RAB43: variants seen among roughly 807,000 people sequenced by gnomAD.
The protein encoded by RAB43 is ras-related protein Rab-43.
Under a neutral mutation model 18.8 loss-of-function variants are expected in RAB43, and 6 were observed. The ratio of observed to expected loss-of-function variants is 0.32; its 90% CI spans 0.17 to 0.63. RAB43 has a LOEUF of 0.63. Ranked by LOEUF, RAB43 falls within the 30% of genes least tolerant of loss-of-function variation. The pLI, the probability that RAB43 is intolerant of heterozygous loss-of-function variation, is 0.79. For synonymous variants in RAB43, 103 were observed against 124.1 expected (o/e 0.83, Z 1.13); for missense variants, 195 against 289.1 (o/e 0.67, Z 2.36).
rs1933428363 is a variant in RAB43, at chr3:129,087,608, G to GTA, written c.*3486_*3487dup. ...AATCTGTTTAATGGTTTAGGAATGT[G>GTA]TACACTCTGGCTCTGCCAAGTTTCC... is the stretch of plus-strand genomic sequence containing the variant. On this transcript the variant is annotated 3_prime_UTR_variant, in exon 3 of 3. Transcript: ENST00000315150. The GTA allele has an allele frequency of 6.6e-6, 1 of 152,112 alleles. No homozygotes were observed. The highest frequency in any genetic ancestry group is 1.5e-5 in the Non-Finnish European group (1 of 68,002). 9.4% of individuals were successfully genotyped at this position (152,112 alleles called of 1,614,324 possible).
intron 1 of RAB43, among the ~76,000 whole-genome samples, chr3:129,109,048 T>C (rs1421383008): frequency 6.7e-6 from 1 of 148,194 alleles, no homozygotes; most frequent in Non-Finnish European, 1.5e-5. Context: ...GAGAAAAAAC[T>C]ACAAGGTGAC....
intron 1 of RAB43, among the ~76,000 whole-genome samples, chr3:129,098,498 CT>C (rs1934200485): frequency 6.6e-6 from 1 of 152,160 alleles, no homozygotes; most frequent in Admixed American, 6.6e-5. Context: ...TTTCCATATA[CT>C]ATTGAAAATT....
chr3:129,103,463 A>C (rs1458699115), intron 1 of RAB43, among the ~76,000 whole-genome samples: 3 of 152,210 alleles, frequency 2.0e-5, no homozygotes, highest in African/African-American at 7.2e-5. Flanking sequence ...CCATTCCTGG[A>C]GTACTCCAAG....
At chr3:129,093,766 T>G (rs1933833167) in intron 2 of RAB43, among the ~76,000 whole-genome samples, 1 of 152,050 alleles carries the variant, frequency 6.6e-6, no homozygotes, top group East Asian at 1.9e-4. Flanking sequence ...GTCCAGGCCC[T>G]GTCTGTACAT....
intron 1 of RAB43, among the ~76,000 whole-genome samples, chr3:129,099,248 T>C (rs1015835314): frequency 3.9e-4 from 57 of 147,056 alleles, no homozygotes; most frequent in African/African-American, 1.4e-3. Flanking sequence ...TCCACCACCA[T>C]GCCCAGCTAA....
chr3:129,094,517 T>TC (rs1211210841), intron 2 of RAB43, among the ~76,000 whole-genome samples: 4 of 108,378 alleles, frequency 3.7e-5, no homozygotes, highest in African/African-American at 1.2e-4. Context: ...TTTTTTTTTT[T>TC]TTTTTTTTTT....
intron 1 of RAB43, among the ~76,000 whole-genome samples, chr3:129,111,405 C>T (rs1354927801): frequency 6.6e-6 from 1 of 151,090 alleles, no homozygotes; most frequent in Non-Finnish European, 1.5e-5. Flanking sequence ...GTCCCAGCTA[C>T]TCAGGAGGCT....
chr3:129,105,574 A>AG (rs11434008), intron 1 of RAB43, among the ~76,000 whole-genome samples: 140,991 of 152,078 alleles, frequency 0.93, 65,731 homozygotes, highest in East Asian at 0.99. Context: ...TAAGGTCAAG[A>AG]TTCGAGACCA....
intron 1 of RAB43, among the ~76,000 whole-genome samples, chr3:129,110,268 G>T (rs1327835461): frequency 6.6e-6 from 1 of 152,194 alleles, no homozygotes; most frequent in Admixed American, 6.5e-5. Context: ...CAACGTGGAA[G>T]AGAACTGATC....
chr3:129,091,792 G>A (rs763403343), intron 2 of RAB43, among the ~76,000 whole-genome samples: 4 of 152,028 alleles, frequency 2.6e-5, no homozygotes, highest in Admixed American at 6.5e-5. Flanking sequence ...TGGGCCAAGC[G>A]CAGTGGCTCA....
At chr3:129,096,682 C>T (rs1007996221) in intron 1 of RAB43, among the ~76,000 whole-genome samples, 2 of 151,532 alleles carry the variant, frequency 1.3e-5, no homozygotes, top group South Asian at 2.1e-4. Flanking sequence ...TTTGGTGAGG[C>T]GCATTCAGAA....
At chr3:129,113,301 G>T (rs1935292297) in intron 1 of RAB43, among the ~76,000 whole-genome samples, 1 of 152,026 alleles carries the variant, frequency 6.6e-6, no homozygotes, top group South Asian at 2.1e-4. Flanking sequence ...GAGTAGCTAG[G>T]ATTACAGGCA....
At chr3:129,097,809 G>A (rs1039418128) in intron 1 of RAB43, among the ~76,000 whole-genome samples, 11 of 152,056 alleles carry the variant, frequency 7.2e-5, no homozygotes, top group African/African-American at 1.7e-4. Flanking sequence ...TGAGGCTGTC[G>A]TTTTTGGAAT....
intron 1 of RAB43, among the ~76,000 whole-genome samples, chr3:129,120,980 C>A (rs1317297375): frequency 6.6e-6 from 1 of 152,022 alleles, no homozygotes. Context: ...TAACCCCCTG[C>A]CTTCCAATGG....
intron 1 of RAB43, among the ~76,000 whole-genome samples, chr3:129,113,724 C>T (rs754446451): frequency 3.8e-4 from 58 of 152,196 alleles, no homozygotes; most frequent in Non-Finnish European, 6.5e-4. Context: ...GAACCCAAAG[C>T]AGGTTAGAAA....
intron 1 of RAB43, among the ~76,000 whole-genome samples, chr3:129,111,601 TC>T (rs1327158430): frequency 6.7e-6 from 1 of 149,620 alleles, no homozygotes; most frequent in Non-Finnish European, 1.5e-5. Flanking sequence ...CTCCTCACTC[TC>T]CCACTCATGC....
intron 1 of RAB43, among the ~76,000 whole-genome samples, chr3:129,098,464 G>A (rs747809159): frequency 8.5e-5 from 13 of 152,326 alleles, no homozygotes; most frequent in Admixed American, 2.6e-4. Flanking sequence ...AGAATCCAGA[G>A]TCTCGTTAAG....
chr3:129,094,007 T>C (rs1186846262), intron 2 of RAB43, among the ~76,000 whole-genome samples: 4 of 152,182 alleles, frequency 2.6e-5, no homozygotes, highest in Admixed American at 6.5e-5. Context: ...GCTTCTCCAG[T>C]CCAGGTCTGG....
chr3:129,115,256 G>A (rs1331756532), intron 1 of RAB43, among the ~76,000 whole-genome samples: 1 of 152,092 alleles, frequency 6.6e-6, no homozygotes, highest in Non-Finnish European at 1.5e-5. Flanking sequence ...GGGAGGCCGA[G>A]GTGGGTAGAT....
Sources: gnomAD v4.1 joint callset for allele counts (sites outside exome capture counted in the v4.1 genomes callset) on GRCh38, gnomAD v4.1.1 for gene constraint, MANE v1.5 for transcripts, NCBI Gene and HGNC (gene_info 2026-07-23, HGNC 2026-07-21) for gene names.